Variants in RGSL1 observed in about 807,000 individuals in gnomAD.
The protein encoded by RGSL1 is regulator of G protein signaling protein-like.
RGSL1 carries 97 observed loss-of-function variants against 124.7 expected under a neutral mutation model. The ratio of observed to expected loss-of-function variants is 0.78; its 90% CI spans 0.66 to 0.92. The LOEUF is 0.92. Among genes scored for constraint, RGSL1 ranks in the 40% least tolerant of loss-of-function variants. RGSL1 has a pLI of 0.00. For synonymous variants in RGSL1, 424 were observed against 438.1 expected, an observed-to-expected ratio of 0.97 and a Z score of 0.40; for missense variants, 1,233 against 1,288.4, an observed-to-expected ratio of 0.96 and a Z score of 0.66.
intron 9 of RGSL1, among the ~76,000 whole-genome samples, chr1:182,521,209 A>C (rs1287340244): frequency 5.3e-5 from 8 of 152,170 alleles, no homozygotes; most frequent in African/African-American, 1.4e-4. Context: ...AGCTAGGACC[A>C]CAGGTGCATA....
At chr1:182,549,752 T>C (rs1660446463) in intron 17 of RGSL1, 1 of 152,250 alleles carries the variant, frequency 6.6e-6, no homozygotes, top group South Asian at 2.1e-4. Flanking sequence ...CTCTCACCTT[T>C]ATTTTAAAAT....
rs1481247985 is a variant in RGSL1 at position 182,493,063 on chromosome 1, C to T, written c.1759C>T (p.Pro587Ser). The T allele has an allele frequency of 6.4e-7, 1 of 1,551,510 alleles. No homozygotes were observed. Among genetic ancestry groups the T allele is most frequent in the Admixed American group, 2.0e-5 (1 of 50,970 alleles). The stretch of plus-strand genomic sequence containing the variant: ...CTTTGAGGAGCTTTGCTACAAGAAC[C>T]CAAAGATGGCCATACAGAAGATCAG... ...MSFEELCYKN[P>S]KMAIQKISDD... Residue 587 changes from proline (P) to serine (S), a missense_variant, in exon 9 of 22, where the codon CCA becomes TCA. Coordinates refer to ENST00000294854, the MANE Select transcript of RGSL1 (RefSeq NM_001137669.2).
intron 9 of RGSL1, among the ~76,000 whole-genome samples, chr1:182,513,762 G>A (rs377737198): frequency 1.3e-5 from 2 of 152,022 alleles, no homozygotes; most frequent in East Asian, 3.9e-4. Context: ...CTTACATCAG[G>A]GGCTGCCTGA....
intron 12 of RGSL1, 135 bp downstream of exon 12, chr1:182,530,496 CTT>C: frequency 4.1e-6 from 3 of 726,868 alleles, no homozygotes; most frequent in Non-Finnish European, 4.4e-6. Flanking sequence ...AAAATTCAAA[CTT>C]ATCTTGAACT....
intron 9 of RGSL1, among the ~76,000 whole-genome samples, chr1:182,510,963 C>T (rs1215309512): frequency 6.6e-6 from 1 of 151,886 alleles, no homozygotes; most frequent in Non-Finnish European, 1.5e-5. Context: ...ATTTTGGTTG[C>T]TGGTGCTTTT....
chr1:182,554,604 T>C (rs1156865231), intron 19 of RGSL1, 23 bp from the exon 20 acceptor site: 3 of 1,550,234 alleles, frequency 1.9e-6, no homozygotes, highest in Admixed American at 2.0e-5. Flanking sequence ...CCTGATGCAA[T>C]TTTTCTCTGT....
In RGSL1 at chr1:182,458,331, A is replaced by G. The variant is rs1652520681; in HGVS notation, c.109A>G (p.Thr37Ala). 3 of 1,551,878 alleles carry G rather than the reference A, an allele frequency of 1.9e-6. No homozygotes were observed. In the South Asian group the frequency reaches 3.6e-5, roughly 18 times the overall value. Residue 37 changes from threonine to alanine, a missense_variant, in exon 3 of 22, where the codon ACA (threonine) becomes GCA (alanine). By Grantham distance (58) the Thr-to-Ala change is moderately conservative. Transcript: ENST00000294854. ...CTTTGTTTTGCAGGTTTTTGGTCAGACACCATTTTATACTGTTGAAAATTC... is the reference window on the plus strand; with the variant it reads ...CTTTGTTTTGCAGGTTTTTGGTCAGGCACCATTTTATACTGTTGAAAATTC... ...TFLSLPVFGQTPFYTVENSQW... is the reference protein window; with the variant it reads ...TFLSLPVFGQAPFYTVENSQW...
rs1010735204 is a variant in RGSL1 at position 182,492,936 on chromosome 1, G to A, written c.1718-86G>A. The stretch of plus-strand genomic sequence containing the variant: ...GAGCCACTGCGCCCAGCATTTTAAA[G>A]GCAATACCTTCAACAAAAGTATATG... On this transcript the variant is annotated intron_variant, in intron 8 of 21. Transcript: ENST00000294854. The A allele has an allele frequency of 2.3e-5, 21 of 913,570 alleles. 2 individuals carry two copies. The highest frequency in any genetic ancestry group is 1.0e-4 in the South Asian group (7 of 70,170). The allele number at this position is 913,570 out of a possible 1,614,324, so 56.6% of individuals were successfully genotyped here. A position where few individuals can be genotyped will look rare whatever the true frequency, so the allele number is the denominator to read the frequency against.
At chr1:182,548,188 A>C (rs919626777) in intron 15 of RGSL1, 129 bp from the exon 16 acceptor site, 1 of 911,194 alleles carries the variant, frequency 1.1e-6, no homozygotes, top group African/African-American at 1.7e-5. Context: ...GACTGAATGA[A>C]TAAAGTCACA....
chr1:182,465,894 C>T (rs1185886281), intron 4 of RGSL1, among the ~76,000 whole-genome samples: 1 of 152,054 alleles, frequency 6.6e-6, no homozygotes, highest in Non-Finnish European at 1.5e-5. Context: ...TCCTGATGAA[C>T]ATTGATGCAA....
intron 4 of RGSL1, among the ~76,000 whole-genome samples, chr1:182,466,602 A>T (rs1653349674): frequency 6.6e-6 from 1 of 152,186 alleles, no homozygotes; most frequent in Admixed American, 6.5e-5. Context: ...AAAGAATAAA[A>T]TACTTAGGAA....
At chr1:182,493,734 G>A (rs1655702118) in intron 9 of RGSL1, among the ~76,000 whole-genome samples, 1 of 152,168 alleles carries the variant, frequency 6.6e-6, no homozygotes, top group Admixed American at 6.5e-5. Flanking sequence ...AGTTTCCTTT[G>A]GCTGAAGCAA....
At chr1:182,490,255 T>C (rs1415706816) in intron 8 of RGSL1, among the ~76,000 whole-genome samples, 1 of 152,236 alleles carries the variant, frequency 6.6e-6, no homozygotes, top group Non-Finnish European at 1.5e-5. Context: ...ACCATTCATA[T>C]GCACTGTGAG....
intron 21 of RGSL1, among the ~76,000 whole-genome samples, chr1:182,558,498 G>A (rs1340850276): frequency 6.6e-6 from 1 of 152,278 alleles, no homozygotes; most frequent in South Asian, 2.1e-4. Context: ...TGTCAGGAAG[G>A]CTGTGTTCCC....
intron 6 of RGSL1, among the ~76,000 whole-genome samples, chr1:182,480,209 T>A (rs1002305884): frequency 2.0e-5 from 3 of 152,144 alleles, no homozygotes; most frequent in Non-Finnish European, 4.4e-5. Flanking sequence ...CAGGTGCACA[T>A]GAATATTCTC....
Position 182,474,172 on chromosome 1 carries a change from A to G in RGSL1, c.1061A>G (p.Lys354Arg), listed in dbSNP as rs1444505010. The G allele has an allele frequency of 3.2e-6, 5 of 1,552,090 alleles. No individual in the cohort carries two copies. The South Asian group carries it at 4.8e-5, about 15-fold the overall frequency. ...TVIPIVNHSS[K>R]MTIQKAIKQS... ...ATCCCCATTGTCAATCACTCCTCCAAGATGACAATTCAGAAGGCCATCAAG... is the reference window on the plus strand; with the variant it reads ...ATCCCCATTGTCAATCACTCCTCCAGGATGACAATTCAGAAGGCCATCAAG... The change falls in exon 6 of 22, where the codon AAG becomes AGG. Residue 354 changes from lysine to arginine, a missense_variant. Lys to Arg is a conservative substitution (Grantham distance 26). Coordinates refer to ENST00000294854, the MANE Select transcript of RGSL1 (RefSeq NM_001137669.2).
intron 10 of RGSL1, among the ~76,000 whole-genome samples, chr1:182,526,698 T>A (rs75191595): frequency 0.019 from 2,943 of 152,192 alleles, 46 homozygotes; most frequent in Middle Eastern, 0.037. Context: ...AAAAACCAGT[T>A]AATACACCAT....
intron 9 of RGSL1, among the ~76,000 whole-genome samples, chr1:182,494,963 T>C (rs559269942): frequency 3.9e-5 from 6 of 152,332 alleles, no homozygotes; most frequent in African/African-American, 4.8e-5. Flanking sequence ...TGAGATCCCA[T>C]TGAGGGATCA....
chr1:182,450,285 G>C (rs1651708662), intron 1 of RGSL1, 107 bp downstream of exon 1: 1 of 1,256,882 alleles, frequency 8.0e-7, no homozygotes, highest in African/African-American at 1.5e-5. Context: ...GGCACCATGG[G>C]TGACTTTTGT....
Sources: gnomAD v4.1 joint callset for allele counts (sites outside exome capture counted in the v4.1 genomes callset) on GRCh38, gnomAD v4.1.1 for gene constraint, MANE v1.5 for transcripts, NCBI Gene and HGNC (gene_info 2026-07-23, HGNC 2026-07-21) for gene names.